The following EYA4 variants were observed in gnomAD, a reference collection of about 807,000 sequenced individuals.
EYA4 encodes protein phosphatase EYA4.
Under a neutral mutation model 87.9 loss-of-function variants are expected in EYA4, and 31 were observed. The ratio of observed to expected loss-of-function variants is 0.35; its 90% CI spans 0.27 to 0.48. EYA4 has a LOEUF of 0.48. Among genes scored for constraint, EYA4 ranks in the 20% least tolerant of loss-of-function variants. The probability of loss-of-function intolerance (pLI) is 0.99; values close to 1 mark genes in which losing one functional copy is unlikely to be tolerated. For missense variants in EYA4, 678 were observed against 761.4 expected (o/e 0.89, Z 1.29); for synonymous variants, 263 against 270.6 (o/e 0.97, Z 0.28).
intron 5 of EYA4, among the ~76,000 whole-genome samples, chr6:133,451,570 A>G (rs1263707114): frequency 6.6e-6 from 1 of 152,204 alleles, no homozygotes; most frequent in African/African-American, 2.4e-5. Flanking sequence ...GAAATGTATC[A>G]AGTTCCTATT....
At chr6:133,497,987 A>G (rs1383766235) in intron 13 of EYA4, among the ~76,000 whole-genome samples, 3 of 152,344 alleles carry the variant, frequency 2.0e-5, no homozygotes, top group East Asian at 1.9e-4. Flanking sequence ...GCAAAATAAT[A>G]TGTTTATCAG....
intron 2 of EYA4, 123 bp from the exon 3 acceptor site, chr6:133,382,269 A>T (rs1786285669): frequency 1.3e-6 from 1 of 775,054 alleles, no homozygotes; most frequent in Admixed American, 1.7e-5. Flanking sequence ...CTGCTGCTGT[A>T]AAGTGTGGGG....
intron 1 of EYA4, among the ~76,000 whole-genome samples, chr6:133,261,257 A>T (rs1481044577): frequency 4.6e-5 from 7 of 152,190 alleles, no homozygotes; most frequent in Non-Finnish European, 8.8e-5. Context: ...TGTTGCAATG[A>T]TATCACATGT....
intron 2 of EYA4, among the ~76,000 whole-genome samples, chr6:133,331,625 G>A (rs768466530): frequency 1.1e-4 from 17 of 152,130 alleles, no homozygotes; most frequent in East Asian, 3.8e-4. Flanking sequence ...TTACTGCAAC[G>A]GTGCTTTTTA....
At chr6:133,401,496 G>A (rs867936625) in intron 3 of EYA4, among the ~76,000 whole-genome samples, 9 of 152,140 alleles carry the variant, frequency 5.9e-5, no homozygotes, top group Middle Eastern at 3.4e-3. Flanking sequence ...ATTATCACAC[G>A]TACCCTCAAA....
At chr6:133,312,105 G>A (rs909703816) in intron 2 of EYA4, among the ~76,000 whole-genome samples, 1 of 152,248 alleles carries the variant, frequency 6.6e-6, no homozygotes, top group Admixed American at 6.5e-5. Context: ...TTGTGTGAGT[G>A]GGGAGAGGAG....
intron 2 of EYA4, among the ~76,000 whole-genome samples, chr6:133,357,948 T>C (rs1190995615): frequency 6.6e-6 from 1 of 151,902 alleles, no homozygotes; most frequent in Admixed American, 6.6e-5. Context: ...AAAATAATTA[T>C]CTATATTATC....
In EYA4 at chr6:133,529,881, A is replaced by G; in HGVS notation, c.*1076A>G. On this transcript the variant is annotated 3_prime_UTR_variant, in exon 20 of 20. Coordinates refer to ENST00000355286, the MANE Select transcript of EYA4 (RefSeq NM_004100.5). Reference sequence around the variant, plus strand: ...CAGTTTTGAGGTTGAGACTTTTGATATGTGTAAGTTGCATAGAGGAGGATA... The same window carrying G: ...CAGTTTTGAGGTTGAGACTTTTGATGTGTGTAAGTTGCATAGAGGAGGATA... 4.1e-6 allele frequency: 4 copies of G among 985,372 alleles called. No homozygotes were observed. Among genetic ancestry groups the G allele is most frequent in the Non-Finnish European group, 4.8e-6 (4 of 829,862 alleles). 61.0% of individuals were successfully genotyped at this position (985,372 alleles called of 1,614,324 possible). A position where few individuals can be genotyped will look rare whatever the true frequency, so the allele number is the denominator to read the frequency against.
intron 2 of EYA4, among the ~76,000 whole-genome samples, chr6:133,331,918 T>G (rs1781992135): frequency 6.6e-6 from 1 of 152,234 alleles, no homozygotes; most frequent in Non-Finnish European, 1.5e-5. Flanking sequence ...GGTATGTTAT[T>G]GTGCTCTTGT....
chr6:133,485,892 G>A (rs765964556), intron 13 of EYA4, among the ~76,000 whole-genome samples: 9 of 152,304 alleles, frequency 5.9e-5, no homozygotes, highest in Non-Finnish European at 1.0e-4. Flanking sequence ...TGGTTCAGCC[G>A]ATGTTTGACA....
intron 7 of EYA4, 116 bp from the exon 8 acceptor site, chr6:133,462,210 GTTAAAATTA>G (rs1794457985): frequency 2.6e-6 from 3 of 1,165,272 alleles, no homozygotes; most frequent in Non-Finnish European, 3.8e-6. Context: ...TTCCTATATT[GTTAAAATTA>G]TATTGTGGAT....
chr6:133,446,845 T>C lies in EYA4; in HGVS notation c.208+91T>C, dbSNP rs1037059755. 53 of 1,148,478 alleles carry C rather than the reference T, an allele frequency of 4.6e-5. No homozygotes were observed. The Admixed American group carries it at 7.8e-4, about 17-fold the overall frequency. 71.1% of individuals were successfully genotyped at this position (1,148,478 alleles called of 1,614,324 possible). On this transcript the variant is annotated intron_variant, in intron 4 of 19. Transcript: ENST00000355286. ...GAGATCTGCTAATAAATAAATATCT[T>C]ATTATCAATAACACAAATCAGCATT...
In EYA4 at chr6:133,241,538, G is replaced by T. The variant is rs892356066; in HGVS notation, c.-277G>T. The T allele has an allele frequency of 6.6e-6, 1 of 152,154 alleles. No homozygotes were observed. The highest frequency in any genetic ancestry group is 2.4e-5 in the African/African-American group (1 of 41,368). 9.4% of individuals were successfully genotyped at this position (152,154 alleles called of 1,614,324 possible). On this transcript the variant is annotated 5_prime_UTR_variant, in exon 1 of 20. Coordinates refer to ENST00000355286, the MANE Select transcript of EYA4 (RefSeq NM_004100.5). Reference sequence around the variant, plus strand: ...TCCTCTCCTTTCCTCCTCCCCCTCGGAGCCGGCTTCTCCCTCCGCCCCGCT... The same window carrying T: ...TCCTCTCCTTTCCTCCTCCCCCTCGTAGCCGGCTTCTCCCTCCGCCCCGCT...
At chr6:133,366,474 A>G (rs1583073799) in intron 2 of EYA4, among the ~76,000 whole-genome samples, 1 of 152,304 alleles carries the variant, frequency 6.6e-6, no homozygotes, top group East Asian at 1.9e-4. Flanking sequence ...ATTATCCAGT[A>G]GAGTTTGAAT....
chr6:133,493,486 A>G (rs1797366276), intron 13 of EYA4, among the ~76,000 whole-genome samples: 1 of 152,168 alleles, frequency 6.6e-6, no homozygotes, highest in Non-Finnish European at 1.5e-5. Flanking sequence ...TCAAACTATA[A>G]AACTACTACA....
chr6:133,329,777 A>G (rs1781778665), intron 2 of EYA4, among the ~76,000 whole-genome samples: 2 of 152,146 alleles, frequency 1.3e-5, no homozygotes, highest in Non-Finnish European at 2.9e-5. Flanking sequence ...GTAGTAGTGT[A>G]CAATATATAC....
At chr6:133,368,725 A>G (rs1785042814) in intron 2 of EYA4, among the ~76,000 whole-genome samples, 1 of 152,178 alleles carries the variant, frequency 6.6e-6, no homozygotes. Flanking sequence ...TATAAATATC[A>G]TAGTGGCATC....
In EYA4 at chr6:133,483,088, C is replaced by T. The variant is rs763994459; in HGVS notation, c.1164C>T (p.Thr388=). The T allele has an allele frequency of 2.5e-5, 41 of 1,612,492 alleles. No individual in the cohort carries two copies. Among genetic ancestry groups the T allele is most frequent in the African/African-American group, 4.0e-5 (3 of 74,830 alleles). The part of the protein sequence containing the change: ...ETIIVFHSLL[T]GSYAQKYGKD... ...TCATTGTTTTTCACTCACTGCTCAC[C>T]GGGTCTTATGCACAGAAGTATGGCA... is the stretch of plus-strand genomic sequence containing the variant. Residue 388 remains threonine, a synonymous_variant, in exon 13 of 20, where the codon ACC becomes ACT. Transcript: ENST00000355286.
chr6:133,504,485 T>C (rs978655680), intron 13 of EYA4, among the ~76,000 whole-genome samples: 1 of 152,194 alleles, frequency 6.6e-6, no homozygotes, highest in African/African-American at 2.4e-5. Flanking sequence ...GAAAATTATG[T>C]TGAAATCCAG....
Sources: gnomAD v4.1 joint callset for allele counts (sites outside exome capture counted in the v4.1 genomes callset) on GRCh38, gnomAD v4.1.1 for gene constraint, MANE v1.5 for transcripts, NCBI Gene and HGNC (gene_info 2026-07-23, HGNC 2026-07-21) for gene names.